ACER3: variants seen among roughly 807,000 people sequenced by gnomAD.
The protein encoded by ACER3 is alkCDase 3.
A neutral mutation model predicts 48.9 loss-of-function variants in ACER3; 16 were observed. The ratio of observed to expected loss-of-function variants is 0.33; its 90% confidence interval spans 0.22 to 0.50. The LOEUF (loss-of-function observed/expected upper bound fraction) is 0.50, where lower values mean the gene tolerates loss of function less well. Among genes scored for constraint, ACER3 ranks in the 20% least tolerant of loss-of-function variants. The probability of loss-of-function intolerance (pLI) is 0.98; values close to 1 mark genes in which losing one functional copy is unlikely to be tolerated. For synonymous variants in ACER3, 109 were observed against 107.8 expected, an observed-to-expected ratio of 1.01 and a Z score of -0.07; for missense variants, 227 against 326.0, an observed-to-expected ratio of 0.70 and a Z score of 2.34.
rs58631679 is a variant in ACER3, at chr11:76,891,258, AAT to A, written c.103+30192_103+30193del. On this transcript the variant is annotated intron_variant, in intron 1 of 10. Coordinates refer to ENST00000532485, the MANE Select transcript of ACER3 (RefSeq NM_018367.7). ...TATTTTATATATATAATATATATAT[AAT>A]ATATATATATATGTTTTCATCCACG... Among the ~76,000 whole-genome samples, 224 of 146,514 alleles carry A rather than the reference AAT, an allele frequency of 1.5e-3. 3 individuals carry two copies. The highest frequency in any genetic ancestry group is 3.7e-3 in the African/African-American group (150 of 40,206).
intron 2 of ACER3, among the ~76,000 whole-genome samples, chr11:76,953,740 A>G (rs1947755739): frequency 6.6e-6 from 1 of 152,214 alleles, no homozygotes; most frequent in Non-Finnish European, 1.5e-5. Flanking sequence ...ACAAATAAAT[A>G]TATGGGGTTG....
chr11:76,894,346 T>C (rs1945878866), intron 1 of ACER3, among the ~76,000 whole-genome samples: 1 of 152,242 alleles, frequency 6.6e-6, no homozygotes, highest in Admixed American at 6.5e-5. Flanking sequence ...CCATTGTGTC[T>C]TTCTTTCAAT....
At chr11:77,019,576 T>C (rs1555023979) in intron 9 of ACER3, 155 bp from the exon 10 acceptor site, 2 of 659,082 alleles carry the variant, frequency 3.0e-6, no homozygotes, top group East Asian at 5.4e-5. Context: ...GAGTAGATGC[T>C]CAAAAAAAAA....
At chr11:76,909,435 C>T (rs538306649) in intron 1 of ACER3, among the ~76,000 whole-genome samples, 1 of 152,076 alleles carries the variant, frequency 6.6e-6, no homozygotes, top group South Asian at 2.1e-4. Flanking sequence ...AGAAAAAAAA[C>T]AACCCCATCA....
At chr11:76,973,181 T>C (rs986929084) in intron 3 of ACER3, among the ~76,000 whole-genome samples, 5 of 152,198 alleles carry the variant, frequency 3.3e-5, no homozygotes, top group African/African-American at 1.2e-4. Context: ...TCCCCTGAAG[T>C]TGACCCCTTG....
intron 2 of ACER3, among the ~76,000 whole-genome samples, chr11:76,955,045 G>A (rs1018844101): frequency 6.6e-6 from 1 of 152,090 alleles, no homozygotes; most frequent in Non-Finnish European, 1.5e-5. Context: ...TCCTCGTTAA[G>A]GAAATACTAA....
chr11:76,966,741 G>T (rs1591004642), intron 3 of ACER3, among the ~76,000 whole-genome samples: 1 of 150,196 alleles, frequency 6.7e-6, no homozygotes, highest in African/African-American at 2.5e-5. Context: ...CAGAAATAAA[G>T]ATGTTCTTTG....
chr11:76,877,712 G>A (rs767244282), intron 1 of ACER3, among the ~76,000 whole-genome samples: 9 of 152,080 alleles, frequency 5.9e-5, no homozygotes, highest in Admixed American at 2.0e-4. Flanking sequence ...CTTTGGTTAA[G>A]AGCAGTCATC....
chr11:76,924,973 CAAAAA>C (rs57093609), intron 1 of ACER3, among the ~76,000 whole-genome samples: 11,196 of 78,582 alleles, frequency 0.14, 1,570 homozygotes, highest in African/African-American at 0.38. Context: ...AAGACTCTGT[CAAAAA>C]AAAAAAAAAA....
chr11:76,920,167 C>G (rs926800414), intron 1 of ACER3, among the ~76,000 whole-genome samples: 2 of 152,188 alleles, frequency 1.3e-5, no homozygotes, highest in Non-Finnish European at 2.9e-5. Flanking sequence ...TCCTACAGTG[C>G]TGAGGCTTCC....
At chr11:76,922,033 G>A (rs545323360) in intron 1 of ACER3, among the ~76,000 whole-genome samples, 14 of 152,212 alleles carry the variant, frequency 9.2e-5, no homozygotes, top group African/African-American at 3.4e-4. Flanking sequence ...AGAAAAGTAG[G>A]AGGACCACTA....
intron 1 of ACER3, among the ~76,000 whole-genome samples, chr11:76,894,642 A>G (rs562756818): frequency 4.6e-5 from 7 of 152,342 alleles, no homozygotes; most frequent in African/African-American, 1.7e-4. Context: ...GTGGCATAAA[A>G]TGTAGAAGTT....
intron 7 of ACER3, among the ~76,000 whole-genome samples, chr11:77,000,320 T>G (rs1488235997): frequency 6.6e-6 from 1 of 152,216 alleles, no homozygotes; most frequent in Non-Finnish European, 1.5e-5. Flanking sequence ...ACAGTTGAGT[T>G]GTGAGATTCT....
At chr11:76,983,851 C>T (rs955115051) in intron 4 of ACER3, among the ~76,000 whole-genome samples, 51 of 150,980 alleles carry the variant, frequency 3.4e-4, no homozygotes, top group African/African-American at 1.2e-3. Flanking sequence ...AGTGCAATGG[C>T]GCAATCTTGG....
Position 76,933,436 on chromosome 11 carries a change from G to A in ACER3, c.214+6769G>A, listed in dbSNP as rs938179104. 6.9e-4 allele frequency among the ~76,000 whole-genome samples: 102 copies of A among 148,120 alleles called. 1 individual carries two copies. The highest frequency in any genetic ancestry group is 2.7e-3 in the East Asian group (14 of 5,092). ...TAGGCAGAGGACCCTGCAGCCTTCC[G>A]CAGTGTTTGTGTCCCTGGGTACTTG... On this transcript the variant is annotated intron_variant, in intron 2 of 10. Transcript: ENST00000532485.
chr11:76,880,773 TG>T (rs1478089193), intron 1 of ACER3, among the ~76,000 whole-genome samples: 1 of 152,132 alleles, frequency 6.6e-6, no homozygotes, highest in Non-Finnish European at 1.5e-5. Flanking sequence ...TGGCCTGCCA[TG>T]GGGAGAAATA....
chr11:76,997,050 G>C (rs1948928824), intron 6 of ACER3, among the ~76,000 whole-genome samples: 1 of 152,126 alleles, frequency 6.6e-6, no homozygotes, highest in South Asian at 2.1e-4. Context: ...ATGAAGTCCA[G>C]CTCCTTAACA....
At position 76,861,059 on chromosome 11, in the gene ACER3, C is replaced by A. The variant is rs149293091; in HGVS notation, c.83C>A (p.Thr28Asn). Residue 28 changes from threonine (T) to asparagine (N), a missense_variant, in exon 1 of 11, where the codon ACC (threonine) becomes AAC (asparagine). Physicochemically the swap from Thr to Asn is moderately conservative, Grantham distance 65. Around this residue, in one of 3 missense-constraint regions of ACER3, gnomAD observed 195 missense variants for 290.8 expected, o/e 0.67. Transcript: ENST00000532485. Reference protein sequence around the residue: ...LDWCEENYSVTWYIAEFWNTV... With the variant: ...LDWCEENYSVNWYIAEFWNTV... ...TGGTGCGAGGAGAACTACTCCGTGA[C>A]CTGGTACATCGCCGAGTTCTGTGAG... The A allele has an allele frequency of 6.5e-7, 1 of 1,547,206 alleles. No homozygotes were observed. Among genetic ancestry groups the A allele is most frequent in the Non-Finnish European group, 8.7e-7 (1 of 1,145,786 alleles).
chr11:76,995,468 A>G (rs921221643), intron 6 of ACER3, among the ~76,000 whole-genome samples: 1 of 152,222 alleles, frequency 6.6e-6, no homozygotes, highest in South Asian at 2.1e-4. Context: ...GAGAGAAAAC[A>G]CTAATAATAT....
Sources: allele counts gnomAD v4.1 joint callset (sites outside exome capture counted in the v4.1 genomes callset), GRCh38; gene constraint gnomAD v4.1.1; regional missense constraint gnomAD v4.1.1; transcripts MANE v1.5; gene names NCBI Gene and HGNC (gene_info 2026-07-23, HGNC 2026-07-21).